Variants in NUCB2 observed in about 807,000 individuals in gnomAD.
NUCB2 encodes nucleobindin-2.
A neutral mutation model predicts 57.9 loss-of-function variants in NUCB2; 48 were observed. The ratio of observed to expected loss-of-function variants is 0.83; its 90% CI spans 0.66 to 1.05. The LOEUF (loss-of-function observed/expected upper bound fraction) is 1.05. Among genes scored for constraint, NUCB2 ranks in the 50% least tolerant of loss-of-function variants. The pLI is 0.00. For missense variants in NUCB2, 442 were observed against 476.2 expected (o/e 0.93, Z 0.67); for synonymous variants, 139 against 152.1 (o/e 0.91, Z 0.64).
intron 11 of NUCB2, among the ~76,000 whole-genome samples, chr11:17,317,974 CTTT>C (rs35264082): frequency 9.1e-6 from 1 of 109,924 alleles, no homozygotes; most frequent in Non-Finnish European, 1.8e-5. Context: ...AAGAAGTCAG[CTTT>C]TTTTTTTTTT....
downstream of NUCB2, among the ~76,000 whole-genome samples, chr11:17,334,774 T>C (rs1951671757): frequency 6.6e-6 from 1 of 151,642 alleles, no homozygotes; most frequent in Non-Finnish European, 1.5e-5. Flanking sequence ...TAGTCCCAGC[T>C]ACTCAAGAGG....
chr11:17,295,629 G>A, intron 3 of NUCB2, 162 bp downstream of exon 3: 1 of 615,514 alleles, frequency 1.6e-6, no homozygotes. Context: ...TGTACACTTG[G>A]GAACTATTTC....
intron 1 of NUCB2, among the ~76,000 whole-genome samples, chr11:17,281,004 G>C (rs1194851994): frequency 6.6e-6 from 1 of 152,138 alleles, no homozygotes; most frequent in African/African-American, 2.4e-5. Flanking sequence ...TAGCGCCAAT[G>C]TACTCCAGCC....
At chr11:17,295,003 G>A (rs778844609) in intron 2 of NUCB2, among the ~76,000 whole-genome samples, 1 of 152,054 alleles carries the variant, frequency 6.6e-6, no homozygotes, top group African/African-American at 2.4e-5. Flanking sequence ...AGCAGTGATC[G>A]TACCATTGCA....
chr11:17,322,078 G>A (rs776524470), intron 11 of NUCB2, among the ~76,000 whole-genome samples: 2 of 152,004 alleles, frequency 1.3e-5, no homozygotes, highest in Non-Finnish European at 2.9e-5. Flanking sequence ...GCTTTGCTCT[G>A]CAGAAGCTTT....
At chr11:17,339,225 C>T (rs1011041270) in intron 2 of NUCB2, among the ~76,000 whole-genome samples, 21 of 146,216 alleles carry the variant, frequency 1.4e-4, no homozygotes, top group African/African-American at 4.1e-4. Flanking sequence ...TGACCTCAGC[C>T]GATCCACCTG....
chr11:17,312,122 T>G lies in NUCB2; in HGVS notation c.912+2T>G. 1.5e-6 allele frequency: 2 copies of G among 1,369,490 alleles called. No individual in the cohort carries two copies. Among genetic ancestry groups the G allele is most frequent in the Non-Finnish European group, 2.0e-6 (2 of 978,390 alleles). The allele number at this position is 1,369,490 out of a possible 1,614,324, so 84.8% of individuals were successfully genotyped here. On this transcript the variant is annotated splice_donor_variant, in intron 10 of 13. Transcript: ENST00000529010. LOFTEE classifies it high-confidence loss of function. ...ATGAGGGAACATGTAATGAATGAGGTATGTTTTAAAAGTTTAAGATAATAT... is the reference window on the plus strand; with the variant it reads ...ATGAGGGAACATGTAATGAATGAGGGATGTTTTAAAAGTTTAAGATAATAT...
chr11:17,305,091 A>T (rs11024244), intron 5 of NUCB2, among the ~76,000 whole-genome samples: 28,619 of 152,272 alleles, frequency 0.19, 3,530 homozygotes, highest in Non-Finnish European at 0.27. Flanking sequence ...GGGGAAGCTA[A>T]GGCGGGCGGA....
downstream of NUCB2, among the ~76,000 whole-genome samples, chr11:17,336,611 G>T (rs868227409): frequency 1.3e-5 from 2 of 151,336 alleles, no homozygotes; most frequent in Non-Finnish European, 2.9e-5. Flanking sequence ...AAAATTAGCC[G>T]GGCGTGGTGG....
At chr11:17,343,309 A>AG (rs954741533) in intron 2 of NUCB2, among the ~76,000 whole-genome samples, 2 of 152,122 alleles carry the variant, frequency 1.3e-5, no homozygotes, top group African/African-American at 4.8e-5. Flanking sequence ...ATGGTGAGAG[A>AG]GAAAAAAAAA....
In NUCB2 at chr11:17,330,289, TATC is replaced by T. The variant is rs1267100198; in HGVS notation, c.1170_1172del (p.His390del). 3.1e-6 allele frequency: 5 copies of T among 1,593,090 alleles called. No homozygotes were observed. In the African/African-American group the frequency reaches 5.4e-5, roughly 17 times the overall value. On this transcript the variant is annotated inframe_deletion, in exon 12 of 14. Coordinates refer to ENST00000529010, the MANE Select transcript of NUCB2 (RefSeq NM_005013.4). This position sits in a 1 kb window ranked among gnomAD's most constrained non-coding sequence, Gnocchi z 4.3. ...TCAACTGGAGGCTCAGAAGCTGGAATATCATCAGGTGGCATTTTGTCAAAAGAT... is the reference window on the plus strand; with the variant it reads ...TCAACTGGAGGCTCAGAAGCTGGAATATCAGGTGGCATTTTGTCAAAAGAT...
At chr11:17,311,778 TA>T in intron 8 of NUCB2, 93 bp from the exon 9 acceptor site, 1 of 803,130 alleles carries the variant, frequency 1.2e-6, no homozygotes, top group South Asian at 1.9e-5. Flanking sequence ...TTCACATCAG[TA>T]CTACTTTTGT....
At chr11:17,292,170 A>G (rs1945055016) in intron 2 of NUCB2, among the ~76,000 whole-genome samples, 6 of 152,120 alleles carry the variant, frequency 3.9e-5, no homozygotes, top group Admixed American at 1.3e-4. Flanking sequence ...TTTTATTTTT[A>G]TAAATGAGGG....
At chr11:17,311,683 A>G (rs1192090542) in intron 8 of NUCB2, among the ~76,000 whole-genome samples, 189 bp from the exon 9 acceptor site, 1 of 152,250 alleles carries the variant, frequency 6.6e-6, no homozygotes, top group African/African-American at 2.4e-5. Context: ...ATTATGAATT[A>G]CAAATAAATA....
At chr11:17,335,341 T>C (rs1471536184), downstream of NUCB2, among the ~76,000 whole-genome samples, 2 of 152,180 alleles carry the variant, frequency 1.3e-5, no homozygotes, top group Non-Finnish European at 2.9e-5. Flanking sequence ...TTTCTTGAAA[T>C]GCTTTTTTGG....
intron 2 of NUCB2, among the ~76,000 whole-genome samples, chr11:17,294,678 TAAAA>T (rs34406631): frequency 0.016 from 1,635 of 102,610 alleles, 30 homozygotes; most frequent in African/African-American, 0.058. Flanking sequence ...CGTGTTGCCT[TAAAA>T]AAAAAAAAAA....
At chr11:17,301,723 A>G (rs1027164924) in intron 4 of NUCB2, 21 bp from the exon 5 acceptor site, 20 of 1,592,600 alleles carry the variant, frequency 1.3e-5, no homozygotes, top group Admixed American at 1.2e-4. Flanking sequence ...GATAAAACTA[A>G]CTTACTAATT....
intron 1 of NUCB2, among the ~76,000 whole-genome samples, chr11:17,282,136 C>T (rs1942703256): frequency 6.6e-6 from 1 of 150,996 alleles, no homozygotes; most frequent in African/African-American, 2.4e-5. Flanking sequence ...ATCTGAATTC[C>T]TCCTAGTTAT....
At position 17,330,956 on chromosome 11, in the gene NUCB2, C is replaced by T. The variant is rs1951322858; in HGVS notation, c.1228C>T (p.Pro410Ser). Residue 410 changes from proline to serine, a missense_variant, in exon 13 of 14, where the codon CCA becomes TCA. Pro to Ser is a moderately conservative substitution (Grantham distance 74). Transcript: ENST00000529010. This position sits in a 1 kb window ranked among gnomAD's most constrained non-coding sequence, Gnocchi z 4.3. ...KLQQGIPPSG[P>S]AGELKFEPHI ...ACAACAAGGAATTCCTCCATCAGGG[C>T]CAGCTGGAGAATTGAAGTTTGAGCC... is the stretch of plus-strand genomic sequence containing the variant. 1.1e-5 allele frequency: 17 copies of T among 1,609,852 alleles called. No homozygotes were observed. Among genetic ancestry groups the T allele is most frequent in the Non-Finnish European group, 1.4e-5 (16 of 1,177,316 alleles).
Sources: allele counts gnomAD v4.1 joint callset (sites outside exome capture counted in the v4.1 genomes callset), GRCh38; gene constraint gnomAD v4.1.1; non-coding constraint Gnocchi (gnomAD v3.1); transcripts MANE v1.5; gene names NCBI Gene and HGNC (gene_info 2026-07-23, HGNC 2026-07-21).